ADAM7: variants seen among roughly 807,000 people sequenced by gnomAD.
ADAM7 encodes the protein disintegrin and metalloproteinase domain-containing protein 7.
In ADAM7, 97 loss-of-function variants were observed where a neutral mutation model predicts 102.9. The ratio of observed to expected loss-of-function variants is 0.94; its 90% confidence interval spans 0.80 to 1.12. ADAM7 has a LOEUF of 1.12. Ranked by LOEUF, ADAM7 falls within the 50% of genes most tolerant of loss-of-function variation. ADAM7 has a pLI of 0.00. For missense variants in ADAM7, 991 were observed against 908.7 expected (o/e 1.09, Z -1.16); for synonymous variants, 334 against 304.4 (o/e 1.10, Z -1.01).
chr8:24,467,879 C>CA (rs1327440065), intron 6 of ADAM7, among the ~76,000 whole-genome samples: 2 of 151,968 alleles, frequency 1.3e-5, no homozygotes, highest in Admixed American at 6.6e-5. Flanking sequence ...GCCTGACCAA[C>CA]ATGGTGAAAC....
rs1227007496 is a variant in ADAM7, at chr8:24,441,045, G to A, written c.-64G>A. On this transcript the variant is annotated 5_prime_UTR_variant, in exon 1 of 22. Transcript: ENST00000175238. ...TGCTTCATCCCTGCAGTGGAAGTGA[G>A]GAGGAAGAAAGGTGAACTCCTTTTC... 3 of 1,468,948 alleles carry A rather than the reference G, an allele frequency of 2.0e-6. No individual in the cohort carries two copies. The highest frequency in any genetic ancestry group is 3.4e-5 in the Admixed American group (2 of 59,682). The allele number at this position is 1,468,948 out of a possible 1,614,324, so 91.0% of individuals were successfully genotyped here.
intron 6 of ADAM7, chr8:24,467,784 G>A (rs927074081): frequency 3.9e-5 from 6 of 152,252 alleles, no homozygotes; most frequent in African/African-American, 1.4e-4. Context: ...TAAAAGATTG[G>A]CCAGGCATGG....
intron 17 of ADAM7, 68 bp downstream of exon 17, chr8:24,499,384 A>C: frequency 8.4e-7 from 1 of 1,190,710 alleles, no homozygotes; most frequent in Non-Finnish European, 1.2e-6. Flanking sequence ...CCCAGCCTAT[A>C]TGTGCATGTA....
At chr8:24,479,052 C>T (rs150630485) in intron 8 of ADAM7, among the ~76,000 whole-genome samples, 2 of 152,192 alleles carry the variant, frequency 1.3e-5, no homozygotes, top group East Asian at 3.9e-4. Context: ...ATTTCTGTTC[C>T]TTTCTCGACT....
intron 9 of ADAM7, among the ~76,000 whole-genome samples, chr8:24,484,299 A>T (rs998905960): frequency 6.6e-6 from 1 of 152,222 alleles, no homozygotes; most frequent in Non-Finnish European, 1.5e-5. Context: ...AGGTCATCTA[A>T]TCTGACCACC....
chr8:24,450,414 T>C (rs1818737706), intron 3 of ADAM7, among the ~76,000 whole-genome samples: 1 of 152,152 alleles, frequency 6.6e-6, no homozygotes, highest in Non-Finnish European at 1.5e-5. Context: ...TTGAAGCATT[T>C]GTGAATGGGA....
At position 24,500,905 on chromosome 8, in the gene ADAM7, C is replaced by T. The variant is rs777050106; in HGVS notation, c.2108+10C>T. ...TGAAGCAAGTTCAGAGGTACATTTA[C>T]ATTTTTCTATGTGTTGAAGAAGGGA... is the stretch of plus-strand genomic sequence containing the variant. On this transcript the variant is annotated intron_variant, in intron 19 of 21. Coordinates refer to ENST00000175238, the MANE Select transcript of ADAM7 (RefSeq NM_003817.4). The T allele has an allele frequency of 2.5e-6, 4 of 1,592,892 alleles. No homozygotes were observed. Among genetic ancestry groups the T allele is most frequent in the Non-Finnish European group, 3.4e-6 (4 of 1,161,846 alleles).
intron 16 of ADAM7, among the ~76,000 whole-genome samples, chr8:24,497,771 GA>G (rs566147463): frequency 6.6e-5 from 10 of 152,058 alleles, no homozygotes; most frequent in Non-Finnish European, 1.5e-4. Context: ...CTCATGCCTT[GA>G]ATGTCAAAAA....
In ADAM7 at chr8:24,457,429, C is replaced by T. The variant is rs534638992; in HGVS notation, c.234-6453C>T. ...TAGCTGGGACTGCAGGCATCCACCACCATGACTGGCAAATTTTTTGTATTT... is the reference window on the plus strand; with the variant it reads ...TAGCTGGGACTGCAGGCATCCACCATCATGACTGGCAAATTTTTTGTATTT... On this transcript the variant is annotated intron_variant, in intron 3 of 21. Transcript: ENST00000175238. Among the ~76,000 whole-genome samples the T allele has an allele frequency of 2.6e-5, 4 of 152,208 alleles. No homozygotes were observed. The South Asian group carries it at 8.3e-4, about 32-fold the overall frequency.
intron 10 of ADAM7, 131 bp downstream of exon 10, chr8:24,485,492 G>C (rs1311166662): frequency 4.6e-6 from 3 of 647,698 alleles, no homozygotes; most frequent in African/African-American, 1.9e-5. Context: ...TGAACAGACT[G>C]TTATGCTTCC....
chr8:24,463,286 A>T (rs1177150884), intron 3 of ADAM7, among the ~76,000 whole-genome samples: 1 of 152,144 alleles, frequency 6.6e-6, no homozygotes, highest in Non-Finnish European at 1.5e-5. Context: ...AAAGATGTTC[A>T]AGAAAAAATT....
chr8:24,443,072 G>A (rs1399617059), intron 2 of ADAM7, among the ~76,000 whole-genome samples: 1 of 152,138 alleles, frequency 6.6e-6, no homozygotes, highest in Non-Finnish European at 1.5e-5. Context: ...GCTTATTATA[G>A]AAAATAGATA....
At chr8:24,467,061 T>C in intron 6 of ADAM7, 73 bp downstream of exon 6, 1 of 1,392,328 alleles carries the variant, frequency 7.2e-7, no homozygotes, top group Non-Finnish European at 1.0e-6. Context: ...AGGGATAAAG[T>C]ATGAGTCCAG....
intron 16 of ADAM7, among the ~76,000 whole-genome samples, chr8:24,498,326 T>A (rs1275679500): frequency 2.6e-5 from 4 of 151,698 alleles, no homozygotes; most frequent in African/African-American, 7.2e-5. Flanking sequence ...ATGATAAATT[T>A]CTTATCTTGC....
chr8:24,472,438 A>C (rs1225839872), intron 7 of ADAM7, among the ~76,000 whole-genome samples: 1 of 152,090 alleles, frequency 6.6e-6, no homozygotes. Context: ...AGAAGTTATA[A>C]CAGAAATTGT....
intron 13 of ADAM7, among the ~76,000 whole-genome samples, chr8:24,491,430 G>T (rs1820348678): frequency 6.6e-6 from 1 of 152,156 alleles, no homozygotes; most frequent in Non-Finnish European, 1.5e-5. Context: ...CTTATTGAAT[G>T]GCTGAATGAG....
At chr8:24,449,541 G>A (rs1818698949) in intron 3 of ADAM7, among the ~76,000 whole-genome samples, 1 of 152,102 alleles carries the variant, frequency 6.6e-6, no homozygotes, top group Admixed American at 6.6e-5. Context: ...TGTAGATTCT[G>A]GATATTAGCC....
intron 20 of ADAM7, among the ~76,000 whole-genome samples, chr8:24,506,841 T>G (rs1335455552): frequency 6.6e-6 from 1 of 152,034 alleles, no homozygotes; most frequent in East Asian, 1.9e-4. Context: ...GACTAGAATC[T>G]CTATCTCTAC....
chr8:24,499,856 A>ATG (rs1820694139), intron 17 of ADAM7, among the ~76,000 whole-genome samples: 1 of 151,598 alleles, frequency 6.6e-6, no homozygotes, highest in African/African-American at 2.4e-5. Flanking sequence ...ACACACACAT[A>ATG]CATATCAGGT....
Sources: gnomAD v4.1 joint callset for allele counts (sites outside exome capture counted in the v4.1 genomes callset) on GRCh38, gnomAD v4.1.1 for gene constraint, MANE v1.5 for transcripts, NCBI Gene and HGNC (gene_info 2026-07-23, HGNC 2026-07-21) for gene names.